The following NHSL2 variants were observed in gnomAD, a reference collection of about 807,000 sequenced individuals.
NHSL2 encodes the protein NHS-like protein 2.
NHSL2 carries 27 observed loss-of-function variants against 53.4 expected under a neutral mutation model. The ratio of observed to expected loss-of-function variants is 0.51; its 90% CI spans 0.37 to 0.70. The LOEUF is 0.70. NHSL2 is among the 30% of genes least tolerant of loss of function. The pLI, the probability that NHSL2 is intolerant of heterozygous loss-of-function variation, is 0.00. For missense variants in NHSL2, 892 were observed against 980.1 expected, an observed-to-expected ratio of 0.91 and a Z score of 1.20; for synonymous variants, 408 against 404.1, an observed-to-expected ratio of 1.01 and a Z score of -0.12.
chrX:71,931,854 T>C (rs1448786494), intron 1 of NHSL2, among the ~76,000 whole-genome samples: 1 of 113,075 alleles, frequency 8.8e-6, no homozygotes, highest in African/African-American at 3.2e-5. Flanking sequence ...ATTTTCAAGA[T>C]TGTTTTGGCT....
intron 1 of NHSL2, among the ~76,000 whole-genome samples, chrX:72,045,043 G>A (rs931678170): frequency 2.7e-5 from 3 of 111,197 alleles, no homozygotes; most frequent in Non-Finnish European, 5.7e-5. Context: ...AAGCCCCCAC[G>A]TGGAGCTATC....
chrX:71,963,690 G>A (rs1037439832), intron 1 of NHSL2, among the ~76,000 whole-genome samples: 26 of 109,146 alleles, frequency 2.4e-4, no homozygotes, highest in African/African-American at 4.3e-4. Flanking sequence ...TTGGGAGGCC[G>A]AGGTGGGAGG....
chrX:72,071,224 A>G (rs1425195315), intron 1 of NHSL2, among the ~76,000 whole-genome samples: 1 of 111,613 alleles, frequency 9.0e-6, no homozygotes, highest in African/African-American at 3.3e-5. Flanking sequence ...AATTCTGAGC[A>G]TTGAAGTTTC....
intron 1 of NHSL2, among the ~76,000 whole-genome samples, chrX:72,047,731 A>G (rs2042312828): frequency 1.8e-5 from 2 of 111,682 alleles, no homozygotes; most frequent in Non-Finnish European, 3.8e-5. Flanking sequence ...GCCTCATGCT[A>G]TGGTACAGCA....
chrX:71,911,709 A>C (rs2041603862), intron 1 of NHSL2, among the ~76,000 whole-genome samples: 1 of 112,213 alleles, frequency 8.9e-6, no homozygotes, highest in African/African-American at 3.2e-5. Flanking sequence ...CCGCCCACCT[A>C]GCCCCAGGCC....
At chrX:71,916,372 G>T (rs59786411) in intron 1 of NHSL2, among the ~76,000 whole-genome samples, 1 of 112,348 alleles carries the variant, frequency 8.9e-6, no homozygotes, top group Non-Finnish European at 1.9e-5. Flanking sequence ...AGCTTAACAG[G>T]CTCACTGGCT....
At chrX:72,085,048 G>T (rs1245429003) in intron 1 of NHSL2, among the ~76,000 whole-genome samples, 1 of 112,026 alleles carries the variant, frequency 8.9e-6, no homozygotes, top group Non-Finnish European at 1.9e-5. Context: ...CACTTTGTTC[G>T]TGCTTTTCTT....
intron 1 of NHSL2, among the ~76,000 whole-genome samples, chrX:72,102,872 A>G (rs1158357205): frequency 8.9e-6 from 1 of 112,129 alleles, no homozygotes; most frequent in Non-Finnish European, 1.9e-5. Context: ...GTTCATGGAA[A>G]GCAATGGAGG....
chrX:71,951,531 T>C (rs2041821001), intron 1 of NHSL2, among the ~76,000 whole-genome samples: 1 of 112,146 alleles, frequency 8.9e-6, no homozygotes, highest in Admixed American at 9.4e-5. Flanking sequence ...ACATTTGTTA[T>C]TTCTTGTGTT....
chrX:72,091,177 G>T (rs2041894118), intron 1 of NHSL2, among the ~76,000 whole-genome samples: 1 of 112,366 alleles, frequency 8.9e-6, no homozygotes, highest in South Asian at 3.6e-4. Context: ...CAGTTAGCCG[G>T]GCGCAGTGGC....
intron 1 of NHSL2, chrX:72,080,415 G>A (rs931783309): frequency 1.1e-4 from 12 of 111,585 alleles, no homozygotes; most frequent in Non-Finnish European, 2.1e-4. Context: ...GCGTTCTAGA[G>A]GTGTGCACAG....
At chrX:72,036,380 G>A (rs1188940895) in intron 1 of NHSL2, among the ~76,000 whole-genome samples, 5 of 111,986 alleles carry the variant, frequency 4.5e-5, no homozygotes, top group African/African-American at 1.6e-4. Flanking sequence ...TCCACTGTGA[G>A]TAATCATTAT....
intron 1 of NHSL2, among the ~76,000 whole-genome samples, chrX:72,100,193 C>T (rs114313584): frequency 1.3e-3 from 143 of 111,723 alleles, no homozygotes; most frequent in African/African-American, 4.5e-3. Context: ...GGATACGCTA[C>T]GAGAGAAATG....
intron 1 of NHSL2, chrX:72,130,278 C>T: frequency 8.3e-7 from 1 of 1,203,045 alleles, no homozygotes; most frequent in Non-Finnish European, 1.1e-6. Context: ...CTTCTTCATC[C>T]TTACTCTCTC....
At chrX:71,914,007 C>A (rs970050347) in intron 1 of NHSL2, among the ~76,000 whole-genome samples, 2 of 112,865 alleles carry the variant, frequency 1.8e-5, no homozygotes, top group Non-Finnish European at 3.7e-5. Context: ...CCACTGAAGG[C>A]TGTTCTTTGG....
At chrX:72,061,024 T>C (rs192711174) in intron 1 of NHSL2, among the ~76,000 whole-genome samples, 1 of 112,132 alleles carries the variant, frequency 8.9e-6, no homozygotes, top group East Asian at 2.8e-4. Flanking sequence ...TTTCCAAATA[T>C]ACCATCACTA....
chrX:71,997,916 T>C (rs2042056452), intron 1 of NHSL2, among the ~76,000 whole-genome samples: 1 of 105,932 alleles, frequency 9.4e-6, no homozygotes, highest in African/African-American at 4.0e-5. Context: ...TGTTAGTTTT[T>C]GTTGTTATCT....
intron 1 of NHSL2, among the ~76,000 whole-genome samples, chrX:72,046,215 T>C (rs911562397): frequency 1.8e-5 from 2 of 112,062 alleles, no homozygotes; most frequent in Non-Finnish European, 3.8e-5. Flanking sequence ...CCTCGTCTGA[T>C]AGGTAAAGGA....
intron 1 of NHSL2, chrX:72,044,528 C>T (rs2042293878): frequency 1.1e-5 from 7 of 614,337 alleles, no homozygotes; most frequent in East Asian, 3.3e-5. Flanking sequence ...CCGCTCTCTC[C>T]GGTCCATGCC....
Sources: gnomAD v4.1 joint callset for allele counts (sites outside exome capture counted in the v4.1 genomes callset) on GRCh38, gnomAD v4.1.1 for gene constraint, MANE v1.5 for transcripts, NCBI Gene and HGNC (gene_info 2026-07-23, HGNC 2026-07-21) for gene names.